The following SLC4A8 variants were observed in gnomAD, a reference collection of about 807,000 sequenced individuals.
SLC4A8 encodes the protein solute carrier family 4 member 8.
SLC4A8 carries 40 observed loss-of-function variants against 125.0 expected under a neutral mutation model. The ratio of observed to expected loss-of-function variants is 0.32; its 90% CI spans 0.25 to 0.42. The LOEUF is 0.42. Among genes scored for constraint, SLC4A8 ranks in the 10% least tolerant of loss-of-function variants. The pLI is 1.00. For missense variants in SLC4A8, 863 were observed against 1,355.1 expected, an observed-to-expected ratio of 0.64 and a Z score of 5.70; for synonymous variants, 456 against 476.0, an observed-to-expected ratio of 0.96 and a Z score of 0.55.
In SLC4A8 at chr12:51,463,692, C is replaced by G. The variant is rs1343615222; in HGVS notation, c.1327C>G (p.Pro443Ala). The G allele has an allele frequency of 6.2e-7, 1 of 1,613,280 alleles. No homozygotes were observed. Among genetic ancestry groups the G allele is most frequent in the South Asian group, 1.1e-5 (1 of 91,052 alleles). The change falls in exon 11 of 25, where the codon CCA (proline) becomes GCA (alanine). Residue 443 changes from proline (P) to alanine (A), a missense_variant. Transcript: ENST00000453097. ...EQEPHGGHSG[P>A]ELQRTGRLFG... ...GGAACCACATGGGGGTCACAGTGGG[C>G]CAGAACTTCAGCGCACTGGGCGGTA...
At chr12:51,397,288 C>T (rs376135913) in intron 1 of SLC4A8, among the ~76,000 whole-genome samples, 10 of 152,268 alleles carry the variant, frequency 6.6e-5, no homozygotes, top group East Asian at 3.9e-4. Flanking sequence ...AACTGTCAAA[C>T]GTGGCAATCT....
At chr12:51,481,307 A>G (rs773263149) in intron 16 of SLC4A8, among the ~76,000 whole-genome samples, 22 of 152,000 alleles carry the variant, frequency 1.4e-4, no homozygotes, top group Non-Finnish European at 3.1e-4. Flanking sequence ...GAAACTCACA[A>G]CTTTCCAGTC....
chr12:51,428,121 C>G (rs138913947), intron 1 of SLC4A8, among the ~76,000 whole-genome samples: 2 of 152,270 alleles, frequency 1.3e-5, no homozygotes, highest in Middle Eastern at 3.4e-3. Context: ...ATTCCCTCTG[C>G]CCAGGATGCT....
intron 13 of SLC4A8, 24 bp downstream of exon 13, chr12:51,470,549 ACT>A (rs1476173521): frequency 5.0e-6 from 8 of 1,606,438 alleles, no homozygotes; most frequent in Non-Finnish European, 6.8e-6. Context: ...TTTTCTGAAA[ACT>A]CTAACCAGAT....
intron 14 of SLC4A8, among the ~76,000 whole-genome samples, chr12:51,473,253 T>C (rs950844084): frequency 2.0e-5 from 3 of 152,240 alleles, no homozygotes; most frequent in Admixed American, 2.0e-4. Context: ...CCTTTTTATG[T>C]CCTTATAGTT....
chr12:51,394,354 A>C (rs1261617841), intron 1 of SLC4A8, among the ~76,000 whole-genome samples: 2 of 152,252 alleles, frequency 1.3e-5, no homozygotes, highest in Non-Finnish European at 2.9e-5. Flanking sequence ...GAGGTTCATG[A>C]GTCCGCAGGA....
Position 51,497,125 on chromosome 12 carries a change from G to A in SLC4A8, c.3081+1G>A. The A allele has an allele frequency of 6.2e-7, 1 of 1,609,320 alleles. No homozygotes were observed. Among genetic ancestry groups the A allele is most frequent in the Non-Finnish European group, 8.5e-7 (1 of 1,178,782 alleles). On this transcript the variant is annotated splice_donor_variant, in intron 22 of 24. Transcript: ENST00000453097. LOFTEE classifies it high-confidence loss of function. ...CAAAAAGAAGGCCAAGGAGGAAGAGGTCATAGTCCTTGCACCAACTGTATA... is the reference window on the plus strand; with the variant it reads ...CAAAAAGAAGGCCAAGGAGGAAGAGATCATAGTCCTTGCACCAACTGTATA...
At chr12:51,459,866 C>A in intron 7 of SLC4A8, 85 bp from the exon 8 acceptor site, 1 of 1,241,796 alleles carries the variant, frequency 8.1e-7, no homozygotes, top group Non-Finnish European at 1.1e-6. Context: ...GAGACTCTGT[C>A]TCAAAAAAAA....
chr12:51,503,888 C>G (rs1452476287), intron 22 of SLC4A8, 141 bp from the exon 23 acceptor site: 5 of 559,616 alleles, frequency 8.9e-6, no homozygotes, highest in African/African-American at 1.9e-5. Context: ...TTTGTGGTAA[C>G]TCAAGTCTAT....
At chr12:51,402,693 A>G (rs1263007095) in intron 1 of SLC4A8, among the ~76,000 whole-genome samples, 3 of 152,160 alleles carry the variant, frequency 2.0e-5, no homozygotes, top group African/African-American at 7.2e-5. Context: ...TTGCACTCCA[A>G]CCTGGGGTAC....
At position 51,471,435 on chromosome 12, in the gene SLC4A8, A is replaced by G; in HGVS notation, c.1807A>G (p.Ile603Val). ...TEEAFASLIC[I>V]IFIYEAIEKL... ...AGAAGCATTTGCCTCCCTAATTTGC[A>G]TTATTTTCATCTATGAAGCAATAGA... Residue 603 changes from isoleucine to valine, a missense_variant, in exon 14 of 25, where the codon ATT becomes GTT. By Grantham distance (29) the Ile-to-Val change is conservative. This residue lies in a region of SLC4A8 where 390 missense variants were observed against 634.4 expected (regional missense o/e 0.61). Coordinates refer to ENST00000453097, the MANE Select transcript of SLC4A8 (RefSeq NM_001039960.3). 1 of 1,614,186 alleles carries G rather than the reference A, an allele frequency of 6.2e-7. No homozygotes were observed. Among genetic ancestry groups the G allele is most frequent in the Non-Finnish European group, 8.5e-7 (1 of 1,180,034 alleles).
At chr12:51,403,844 G>T (rs1565751230) in intron 1 of SLC4A8, among the ~76,000 whole-genome samples, 1 of 152,270 alleles carries the variant, frequency 6.6e-6, no homozygotes, top group South Asian at 2.1e-4. Flanking sequence ...CCGTAGGCAG[G>T]GCGGTTGCTA....
At chr12:51,438,528 G>GT (rs1231509548) in intron 1 of SLC4A8, among the ~76,000 whole-genome samples, 2 of 152,082 alleles carry the variant, frequency 1.3e-5, no homozygotes, top group Non-Finnish European at 2.9e-5. Flanking sequence ...CCATTCATCT[G>GT]TTGTTGGACA....
chr12:51,441,955 G>A (rs1949611904), intron 2 of SLC4A8, among the ~76,000 whole-genome samples: 1 of 152,188 alleles, frequency 6.6e-6, no homozygotes, highest in African/African-American at 2.4e-5. Flanking sequence ...TGCAGCAGTT[G>A]GGAGGGAGTG....
intron 1 of SLC4A8, among the ~76,000 whole-genome samples, chr12:51,429,072 G>C (rs978899719): frequency 3.9e-5 from 6 of 151,944 alleles, no homozygotes; most frequent in Non-Finnish European, 8.8e-5. Context: ...ACCACCCCTA[G>C]CTAATTTTTT....
At chr12:51,503,336 G>C (rs761935845) in intron 22 of SLC4A8, among the ~76,000 whole-genome samples, 2 of 148,832 alleles carry the variant, frequency 1.3e-5, no homozygotes, top group Admixed American at 6.7e-5. Flanking sequence ...GCCATTCTCC[G>C]TCTCAGCTGG....
chr12:51,506,471 G>A, intron 24 of SLC4A8, among the ~76,000 whole-genome samples: 1 of 147,812 alleles, frequency 6.8e-6, no homozygotes, highest in East Asian at 2.0e-4. Context: ...GTCAGTCTCT[G>A]TCTCCCAGGC....
chr12:51,488,181 T>C (rs1448237325), intron 17 of SLC4A8, among the ~76,000 whole-genome samples: 1 of 152,244 alleles, frequency 6.6e-6, no homozygotes, highest in Non-Finnish European at 1.5e-5. Context: ...CCCAATGTGC[T>C]AGAAGCCAAT....
At chr12:51,492,063 T>G (rs969255920) in intron 19 of SLC4A8, among the ~76,000 whole-genome samples, 1 of 152,204 alleles carries the variant, frequency 6.6e-6, no homozygotes, top group Non-Finnish European at 1.5e-5. Flanking sequence ...GTGGCTAGTA[T>G]GAGAAGTGGG....
Sources: allele counts gnomAD v4.1 joint callset (sites outside exome capture counted in the v4.1 genomes callset), GRCh38; gene constraint gnomAD v4.1.1; regional missense constraint gnomAD v4.1.1; transcripts MANE v1.5; gene names NCBI Gene and HGNC (gene_info 2026-07-23, HGNC 2026-07-21).